APBA2: variants seen among roughly 807,000 people sequenced by gnomAD.
APBA2 encodes amyloid-beta A4 precursor protein-binding family A member 2.
APBA2 carries 30 observed loss-of-function variants against 75.0 expected under a neutral mutation model. The observed-to-expected ratio is 0.40, with a 90% confidence interval of 0.30 to 0.54. The LOEUF (loss-of-function observed/expected upper bound fraction) is 0.54, where lower values mean the gene tolerates loss of function less well. Ranked by LOEUF, APBA2 falls within the 20% of genes least tolerant of loss-of-function variation. The pLI, the probability that APBA2 is intolerant of heterozygous loss-of-function variation, is 0.49. For synonymous variants in APBA2, 444 were observed against 409.6 expected, an observed-to-expected ratio of 1.08 and a Z score of -1.01; for missense variants, 801 against 1,016.1, an observed-to-expected ratio of 0.79 and a Z score of 2.88.
rs148496752 is a variant in APBA2 at position 29,029,062 on chromosome 15, T to G, written c.-40-24783T>G. On this transcript the variant is annotated intron_variant, in intron 3 of 14. Coordinates refer to ENST00000683413, the MANE Select transcript of APBA2 (RefSeq NM_001353788.2). ...TTTTGATGCAGTTGCTTTTGGCGATTTCATAATGAAATCTTTGCTGGTGCC... is the reference window on the plus strand; with the variant it reads ...TTTTGATGCAGTTGCTTTTGGCGATGTCATAATGAAATCTTTGCTGGTGCC... 3.5e-3 allele frequency among the ~76,000 whole-genome samples: 537 copies of G among 152,354 alleles called. 3 individuals are homozygous for G. Among genetic ancestry groups the G allele is most frequent in the Middle Eastern group, 0.034 (10 of 294 alleles).
chr15:28,887,528 T>A (rs557823647), intron 1 of APBA2, among the ~76,000 whole-genome samples: 5 of 152,240 alleles, frequency 3.3e-5, no homozygotes, highest in African/African-American at 1.2e-4. Flanking sequence ...GTGTCGCCAC[T>A]ACGCAGGGGA....
At chr15:29,012,996 G>A (rs2039473431) in intron 3 of APBA2, among the ~76,000 whole-genome samples, 1 of 152,010 alleles carries the variant, frequency 6.6e-6, no homozygotes, top group Non-Finnish European at 1.5e-5. Context: ...AGCCCCTCAA[G>A]TCCTAGCTGC....
At position 29,114,844 on chromosome 15, in the gene APBA2, G is replaced by T. The variant is rs114253221; in HGVS notation, c.2178+828G>T. Among the ~76,000 whole-genome samples, 845 of 151,148 alleles carry T rather than the reference G, an allele frequency of 5.6e-3. 11 individuals carry two copies. Among genetic ancestry groups the T allele is most frequent in the African/African-American group, 0.019 (780 of 41,256 alleles). ...TGTACGTGTGTGTGTGAGAGCATGG[G>T]GTGTGTAGGAGTGCGAGTGTGGGTG... is the stretch of plus-strand genomic sequence containing the variant. On this transcript the variant is annotated intron_variant, in intron 14 of 14. Transcript: ENST00000683413.
intron 2 of APBA2, among the ~76,000 whole-genome samples, chr15:28,925,118 G>A (rs775208241): frequency 6.6e-6 from 1 of 152,040 alleles, no homozygotes; most frequent in Non-Finnish European, 1.5e-5. Context: ...TGCTTTTTCT[G>A]CATCAATTGA....
At chr15:28,974,304 T>A (rs2037218323) in intron 2 of APBA2, among the ~76,000 whole-genome samples, 1 of 152,234 alleles carries the variant, frequency 6.6e-6, no homozygotes, top group East Asian at 1.9e-4. Flanking sequence ...TGGTTATGTC[T>A]GCTTCACATA....
intron 2 of APBA2, among the ~76,000 whole-genome samples, chr15:28,934,651 G>T (rs1595495610): frequency 6.6e-6 from 1 of 152,188 alleles, no homozygotes; most frequent in South Asian, 2.1e-4. Flanking sequence ...GTGGCTCAGG[G>T]CAGTCACTTG....
At chr15:28,943,463 C>A (rs932896218) in intron 2 of APBA2, among the ~76,000 whole-genome samples, 1 of 152,234 alleles carries the variant, frequency 6.6e-6, no homozygotes, top group East Asian at 1.9e-4. Flanking sequence ...CCTGCACTGT[C>A]CTATGAAATG....
At chr15:28,962,420 T>TG (rs1268861811) in intron 2 of APBA2, among the ~76,000 whole-genome samples, 1 of 151,708 alleles carries the variant, frequency 6.6e-6, no homozygotes, top group East Asian at 1.9e-4. Flanking sequence ...AAATACAAAA[T>TG]TAACTGGGCA....
At chr15:28,959,768 G>A (rs1432468953) in intron 2 of APBA2, among the ~76,000 whole-genome samples, 1 of 152,210 alleles carries the variant, frequency 6.6e-6, no homozygotes, top group Non-Finnish European at 1.5e-5. Context: ...GGGGCCTATA[G>A]CAGAGAACTA....
intron 3 of APBA2, among the ~76,000 whole-genome samples, chr15:29,011,509 A>G (rs1442917508): frequency 3.9e-5 from 6 of 152,160 alleles, no homozygotes; most frequent in Non-Finnish European, 8.8e-5. Context: ...CAATGTTAAC[A>G]TTTTGAAATT....
At chr15:29,048,569 G>T (rs2041451529) in intron 3 of APBA2, among the ~76,000 whole-genome samples, 2 of 152,126 alleles carry the variant, frequency 1.3e-5, no homozygotes, top group Non-Finnish European at 2.9e-5. Context: ...AAAATGGCAT[G>T]GTACTGTTGC....
chr15:29,081,800 G>A (rs963014147), intron 6 of APBA2, among the ~76,000 whole-genome samples: 12 of 152,242 alleles, frequency 7.9e-5, no homozygotes, highest in African/African-American at 2.9e-4. Context: ...CAGCCCCCTT[G>A]GACTGATTGT....
rs145586506 is a variant in APBA2, at chr15:29,000,782, G to T, written c.-41+4976G>T. ...ATTTTTATGTATTGTTTTTATAGAG[G>T]TGGGATTTTGCCATGTTGACCAGGC... On this transcript the variant is annotated intron_variant, in intron 3 of 14. Coordinates refer to ENST00000683413, the MANE Select transcript of APBA2 (RefSeq NM_001353788.2). Among the ~76,000 whole-genome samples, 86 of 152,148 alleles carry T rather than the reference G, an allele frequency of 5.7e-4. 1 individual carries two copies. The East Asian group carries it at 0.015, about 26-fold the overall frequency.
chr15:28,996,736 G>T (rs1033756485), intron 3 of APBA2, among the ~76,000 whole-genome samples: 3 of 152,204 alleles, frequency 2.0e-5, no homozygotes, highest in African/African-American at 4.8e-5. Context: ...GATTCTGGGG[G>T]TTCTTATGTA....
At chr15:29,103,565 G>A (rs1286436743) in intron 10 of APBA2, among the ~76,000 whole-genome samples, 1 of 152,220 alleles carries the variant, frequency 6.6e-6, no homozygotes, top group Non-Finnish European at 1.5e-5. Flanking sequence ...GCGGCTGGCG[G>A]CACACCAGCG....
At chr15:29,101,384 C>T (rs910742974) in intron 9 of APBA2, among the ~76,000 whole-genome samples, 1 of 152,124 alleles carries the variant, frequency 6.6e-6, no homozygotes, top group African/African-American at 2.4e-5. Flanking sequence ...CACCTGCCAC[C>T]ACGCCCAACT....
chr15:28,984,108 G>A (rs1290648827), intron 2 of APBA2, among the ~76,000 whole-genome samples: 1 of 152,190 alleles, frequency 6.6e-6, no homozygotes, highest in Non-Finnish European at 1.5e-5. Flanking sequence ...GTGGCAAGGT[G>A]GGGGATTCTG....
Position 29,046,613 on chromosome 15 carries a change from T to C in APBA2, c.-40-7232T>C, listed in dbSNP as rs2041346404. 6.6e-6 allele frequency among the ~76,000 whole-genome samples: 1 copy of C among 152,214 alleles called. No individual in the cohort carries two copies. The highest frequency in any genetic ancestry group is 1.5e-5 in the Non-Finnish European group (1 of 68,032). On this transcript the variant is annotated intron_variant, in intron 3 of 14. Coordinates refer to ENST00000683413, the MANE Select transcript of APBA2 (RefSeq NM_001353788.2). This position sits in a 1 kb window ranked among gnomAD's most constrained non-coding sequence, Gnocchi z 5.0. ...AAGTGCAGTCTTTGGACCTCCAACA[T>C]GAGAACCACCTGCAGCTCTAGACCT...
At chr15:28,919,258 G>A (rs2033841533) in intron 1 of APBA2, 1 of 152,422 alleles carries the variant, frequency 6.6e-6, no homozygotes. Context: ...AAGGGAAGGA[G>A]GCAGGATGCC....
Sources: gnomAD v4.1 joint callset for allele counts (sites outside exome capture counted in the v4.1 genomes callset) on GRCh38, gnomAD v4.1.1 for gene constraint, Gnocchi (gnomAD v3.1) non-coding constraint, MANE v1.5 for transcripts, NCBI Gene and HGNC (gene_info 2026-07-23, HGNC 2026-07-21) for gene names.